Variants in AXDND1 observed in about 807,000 individuals in gnomAD.
AXDND1 encodes the protein axonemal dynein light chain domain-containing protein 1.
In AXDND1, 110 loss-of-function variants were observed where a neutral mutation model predicts 137.5. That is an observed-to-expected ratio of 0.80 (90% CI 0.69 to 0.94). The LOEUF (loss-of-function observed/expected upper bound fraction) is 0.94, where lower values mean the gene tolerates loss of function less well. AXDND1 is among the 40% of genes least tolerant of loss of function. The pLI, the probability that AXDND1 is intolerant of heterozygous loss-of-function variation, is 0.00. For synonymous variants in AXDND1, 414 were observed against 399.7 expected (o/e 1.04, Z -0.43); for missense variants, 1,191 against 1,169.8 (o/e 1.02, Z -0.26).
rs117699859 is a variant in AXDND1 at position 179,552,440 on chromosome 1, A to G, written c.3032-2072A>G. The G allele has an allele frequency of 8.0e-4, 530 of 665,644 alleles. 3 individuals are homozygous for G. The East Asian group carries it at 0.014, about 17-fold the overall frequency. 41.2% of individuals were successfully genotyped at this position (665,644 alleles called of 1,614,324 possible). Reference sequence around the variant, plus strand: ...GGAGAGGAGTTGCATTAGTCAGGGGACTATTAACACACTTTAAGAGAGCAA... The same window carrying G: ...GGAGAGGAGTTGCATTAGTCAGGGGGCTATTAACACACTTTAAGAGAGCAA... On this transcript the variant is annotated intron_variant, in intron 25 of 25. Coordinates refer to ENST00000367618, the MANE Select transcript of AXDND1 (RefSeq NM_144696.6).
At chr1:179,504,444 G>A (rs973022460) in intron 20 of AXDND1, among the ~76,000 whole-genome samples, 1 of 152,306 alleles carries the variant, frequency 6.6e-6, no homozygotes, top group South Asian at 2.1e-4. Flanking sequence ...CTAAAAGTGG[G>A]TAGAGCTCTG....
chr1:179,398,520 C>T (rs1457913906), intron 11 of AXDND1, among the ~76,000 whole-genome samples: 1 of 152,128 alleles, frequency 6.6e-6, no homozygotes, highest in Non-Finnish European at 1.5e-5. Flanking sequence ...TTCTCATTGG[C>T]TGCAACAGGT....
In AXDND1 at chr1:179,378,764, AAAGT is replaced by A; in HGVS notation, c.495+9_495+12del. On this transcript the variant is annotated splice_region_variant and intron_variant, in intron 5 of 25. Coordinates refer to ENST00000367618, the MANE Select transcript of AXDND1 (RefSeq NM_144696.6). ...TGTCATTGTGCCCCATAAGGTAAAT[AAAGT>A]ATTTGACAAATAATCTTCTCTCCCT... The A allele has an allele frequency of 6.6e-7, 1 of 1,513,328 alleles. No homozygotes were observed. Among genetic ancestry groups the A allele is most frequent in the Non-Finnish European group, 8.9e-7 (1 of 1,128,660 alleles). The allele number at this position is 1,513,328 out of a possible 1,614,324, so 93.7% of individuals were successfully genotyped here.
intron 11 of AXDND1, among the ~76,000 whole-genome samples, chr1:179,400,576 A>G (rs1401379360): frequency 6.9e-6 from 1 of 144,114 alleles, no homozygotes; most frequent in Non-Finnish European, 1.5e-5. Context: ...ATGGAAAAAT[A>G]AAATTTAAAA....
intron 15 of AXDND1, among the ~76,000 whole-genome samples, chr1:179,433,950 T>C (rs1233868884): frequency 1.6e-5 from 2 of 128,222 alleles, no homozygotes; most frequent in African/African-American, 5.9e-5. Context: ...ATATTGACAG[T>C]GGGGTGTTAA....
At chr1:179,391,358 G>T (rs1038089349) in intron 9 of AXDND1, among the ~76,000 whole-genome samples, 1 of 151,782 alleles carries the variant, frequency 6.6e-6, no homozygotes, top group Non-Finnish European at 1.5e-5. Flanking sequence ...GTATGGTTTG[G>T]CTGTGTCCCC....
At chr1:179,494,335 G>T (rs1219058484) in intron 20 of AXDND1, among the ~76,000 whole-genome samples, 1 of 152,126 alleles carries the variant, frequency 6.6e-6, no homozygotes, top group East Asian at 1.9e-4. Context: ...TTTTCTTAAT[G>T]ACCAATGATG....
intron 4 of AXDND1, among the ~76,000 whole-genome samples, chr1:179,377,352 A>G (rs910099433): frequency 1.3e-5 from 2 of 152,196 alleles, no homozygotes; most frequent in African/African-American, 4.8e-5. Context: ...CCAGGTATGC[A>G]GTAGATGCTG....
chr1:179,414,577 C>T (rs934618175), intron 12 of AXDND1, among the ~76,000 whole-genome samples: 1 of 152,108 alleles, frequency 6.6e-6, no homozygotes, highest in Non-Finnish European at 1.5e-5. Flanking sequence ...AGGCGCCCGC[C>T]ACCTCGCCTG....
chr1:179,431,561 T>TG (rs1425521542), intron 14 of AXDND1, among the ~76,000 whole-genome samples: 1 of 133,178 alleles, frequency 7.5e-6, no homozygotes, highest in Non-Finnish European at 1.8e-5. Flanking sequence ...ATTTCTAAGG[T>TG]TTTTTTTTTT....
Position 179,501,014 on chromosome 1 carries a change from G to A in AXDND1, c.2388+8063G>A, listed in dbSNP as rs111471047. On this transcript the variant is annotated intron_variant, in intron 20 of 25. Transcript: ENST00000367618. Reference sequence around the variant, plus strand: ...AAAATTCACCTCTCCAGTCATATTAGCCATATTTTAAGTGCTTAATAGTAC... The same window carrying A: ...AAAATTCACCTCTCCAGTCATATTAACCATATTTTAAGTGCTTAATAGTAC... Among the ~76,000 whole-genome samples, 605 of 152,300 alleles carry A rather than the reference G, an allele frequency of 4.0e-3. 3 individuals carry two copies. The highest frequency in any genetic ancestry group is 0.014 in the African/African-American group (573 of 41,576).
intron 21 of AXDND1, among the ~76,000 whole-genome samples, chr1:179,522,660 A>G (rs147077382): frequency 0.015 from 2,259 of 151,926 alleles, 65 homozygotes; most frequent in African/African-American, 0.052. Flanking sequence ...TATCTCATTT[A>G]TATTAAAATG....
intron 12 of AXDND1, among the ~76,000 whole-genome samples, chr1:179,412,472 A>G (rs996427625): frequency 3.9e-5 from 6 of 152,182 alleles, no homozygotes; most frequent in Admixed American, 2.6e-4. Flanking sequence ...TAACCCTGCC[A>G]CATGTAGTAG....
At chr1:179,465,400 T>C (rs1293327523) in intron 16 of AXDND1, among the ~76,000 whole-genome samples, 1 of 152,222 alleles carries the variant, frequency 6.6e-6, no homozygotes, top group African/African-American at 2.4e-5. Context: ...CAGACCCTGT[T>C]TGCCTGGGTA....
At chr1:179,543,131 A>G (rs2125734941) in intron 25 of AXDND1, 1 of 152,360 alleles carries the variant, frequency 6.6e-6, no homozygotes, top group South Asian at 2.1e-4. Flanking sequence ...CAGTGAAGGA[A>G]TAGAAAATTA....
intron 19 of AXDND1, 80 bp from the exon 20 acceptor site, chr1:179,492,775 G>C (rs1667058163): frequency 6.5e-6 from 6 of 924,290 alleles, no homozygotes; most frequent in Non-Finnish European, 7.9e-6. Context: ...TAAACACTTA[G>C]AAGAAGAACC....
chr1:179,378,214 A>G (rs1030685255), intron 4 of AXDND1, among the ~76,000 whole-genome samples: 3 of 152,154 alleles, frequency 2.0e-5, no homozygotes, highest in Admixed American at 1.3e-4. Flanking sequence ...TGACAGCAAT[A>G]CATGTTCAAG....
chr1:179,480,527 C>G (rs966446165), intron 17 of AXDND1, among the ~76,000 whole-genome samples: 3 of 152,156 alleles, frequency 2.0e-5, no homozygotes, highest in Non-Finnish European at 4.4e-5. Flanking sequence ...TATAGCCAAA[C>G]CTTATCAGCT....
chr1:179,381,943 ATTTTTTTTTTTT>A (rs71111920), intron 6 of AXDND1, among the ~76,000 whole-genome samples: 2 of 105,434 alleles, frequency 1.9e-5, no homozygotes, highest in East Asian at 5.8e-4. Flanking sequence ...ACCACACCTA[ATTTTTTTTTTTT>A]TTTTTTTTTT....
Sources: gnomAD v4.1 joint callset for allele counts (sites outside exome capture counted in the v4.1 genomes callset) on GRCh38, gnomAD v4.1.1 for gene constraint, MANE v1.5 for transcripts, NCBI Gene and HGNC (gene_info 2026-07-23, HGNC 2026-07-21) for gene names.